The following BMPR1A variants were observed in gnomAD, a reference collection of about 807,000 sequenced individuals.
BMPR1A encodes the protein bone morphogenetic protein receptor type 1A, also known as bone morphogenetic protein receptor type-1A.
BMPR1A carries 7 observed loss-of-function variants against 66.0 expected under a neutral mutation model. The ratio of observed to expected loss-of-function variants is 0.11; its 90% CI spans 0.06 to 0.20. The LOEUF (loss-of-function observed/expected upper bound fraction) is 0.20. Among genes scored for constraint, BMPR1A ranks in the 10% least tolerant of loss-of-function variants. The pLI is 1.00. For missense variants in BMPR1A, 408 were observed against 669.1 expected (o/e 0.61, Z 4.31); for synonymous variants, 200 against 229.7 (o/e 0.87, Z 1.17).
intron 2 of BMPR1A, among the ~76,000 whole-genome samples, chr10:86,864,854 A>G (rs1842761209): frequency 2.6e-5 from 4 of 151,914 alleles, no homozygotes. Context: ...ATCCCACAAT[A>G]TCACCCCTTA....
intron 7 of BMPR1A, among the ~76,000 whole-genome samples, chr10:86,905,281 A>G (rs1214936297): frequency 6.6e-6 from 1 of 152,174 alleles, no homozygotes; most frequent in African/African-American, 2.4e-5. Flanking sequence ...ACCATACGCC[A>G]GTTCCTGGTT....
At chr10:86,765,562 C>G (rs1052603199) in intron 1 of BMPR1A, among the ~76,000 whole-genome samples, 1 of 150,954 alleles carries the variant, frequency 6.6e-6, no homozygotes, top group Non-Finnish European at 1.5e-5. Context: ...TCATAGTTGG[C>G]TCTTTGCTGC....
intron 1 of BMPR1A, among the ~76,000 whole-genome samples, chr10:86,822,257 A>T (rs12241335): frequency 0.025 from 3,844 of 152,268 alleles, 157 homozygotes; most frequent in African/African-American, 0.089. Context: ...AAATGAATTC[A>T]ATTTTCCTTT....
chr10:86,858,659 A>G (rs1161429854), intron 2 of BMPR1A, among the ~76,000 whole-genome samples: 1 of 152,234 alleles, frequency 6.6e-6, no homozygotes, highest in Non-Finnish European at 1.5e-5. Flanking sequence ...ATGAACTAGC[A>G]GAAAAAGAAG....
At chr10:86,918,825 G>A (rs1843614763) in intron 9 of BMPR1A, among the ~76,000 whole-genome samples, 1 of 152,068 alleles carries the variant, frequency 6.6e-6, no homozygotes, top group South Asian at 2.1e-4. Context: ...GTTTCGCCCT[G>A]TTGGCCAGGC....
chr10:86,860,998 C>T (rs1842705504), intron 2 of BMPR1A, among the ~76,000 whole-genome samples: 3 of 151,680 alleles, frequency 2.0e-5, no homozygotes, highest in Admixed American at 1.3e-4. Flanking sequence ...CCCGCCACCA[C>T]GCCCGGCTAA....
At chr10:86,777,865 T>A (rs927767451) in intron 1 of BMPR1A, among the ~76,000 whole-genome samples, 1 of 151,938 alleles carries the variant, frequency 6.6e-6, no homozygotes, top group Non-Finnish European at 1.5e-5. Flanking sequence ...AATACAAAAT[T>A]AGCCAGGCAT....
At chr10:86,855,811 A>C (rs1842632472) in intron 2 of BMPR1A, 1 of 1,101,868 alleles carries the variant, frequency 9.1e-7, no homozygotes, top group African/African-American at 1.6e-5. Context: ...TTCCTGGTAG[A>C]ATGGAGGAAA....
rs780130011 is a variant in BMPR1A at position 86,919,320 on chromosome 10, C to G, written c.1017C>G (p.Ala339=). ...RALLKLAYSA[A]CGLCHLHTEI... The stretch of plus-strand genomic sequence containing the variant: ...TGCTTAAATTGGCTTATTCAGCTGC[C>G]TGTGGTCTGTGCCACCTGCACACAG... The change falls in exon 10 of 13, where the codon GCC becomes GCG. Residue 339 remains alanine, a synonymous_variant. Transcript: ENST00000372037. 5.0e-6 allele frequency: 8 copies of G among 1,613,748 alleles called. No individual in the cohort carries two copies. The Admixed American group carries it at 1.2e-4, about 24-fold the overall frequency.
chr10:86,786,209 C>G (rs892426688), intron 1 of BMPR1A, among the ~76,000 whole-genome samples: 3 of 152,158 alleles, frequency 2.0e-5, no homozygotes, highest in Non-Finnish European at 4.4e-5. Flanking sequence ...TCTGCAGGGT[C>G]ATTCTCCTCC....
At chr10:86,914,354 T>A (rs1843532323) in intron 8 of BMPR1A, among the ~76,000 whole-genome samples, 1 of 152,160 alleles carries the variant, frequency 6.6e-6, no homozygotes, top group Non-Finnish European at 1.5e-5. Flanking sequence ...GGCAGACTTC[T>A]TCAGTACATA....
At chr10:86,887,014 G>C (rs11816657) in intron 3 of BMPR1A, among the ~76,000 whole-genome samples, 1,580 of 151,884 alleles carry the variant, frequency 0.01, 25 homozygotes, top group African/African-American at 0.036. Flanking sequence ...AATATTTTTA[G>C]TAGAGACGGG....
intron 9 of BMPR1A, among the ~76,000 whole-genome samples, chr10:86,918,025 C>G (rs941777665): frequency 1.3e-5 from 2 of 152,110 alleles, no homozygotes; most frequent in African/African-American, 4.8e-5. Flanking sequence ...AGAGGAGGAG[C>G]CTTCCTTGCC....
At chr10:86,870,837 T>C (rs1372237815) in intron 2 of BMPR1A, among the ~76,000 whole-genome samples, 1 of 152,064 alleles carries the variant, frequency 6.6e-6, no homozygotes, top group Non-Finnish European at 1.5e-5. Flanking sequence ...TTAACCACCA[T>C]TGTCATTCTC....
chr10:86,913,289 A>ATTTTTTT, intron 8 of BMPR1A, among the ~76,000 whole-genome samples: 1 of 119,076 alleles, frequency 8.4e-6, no homozygotes, highest in Non-Finnish European at 1.7e-5. Flanking sequence ...CACCAGGCTA[A>ATTTTTTT]TTTTTTTTTT....
intron 2 of BMPR1A, among the ~76,000 whole-genome samples, chr10:86,842,096 A>AG (rs1200258243): frequency 6.6e-6 from 1 of 152,188 alleles, no homozygotes; most frequent in Non-Finnish European, 1.5e-5. Flanking sequence ...TCAGAAGCAC[A>AG]GGTAAAATAA....
At chr10:86,873,204 C>T (rs1842874725) in intron 2 of BMPR1A, among the ~76,000 whole-genome samples, 5 of 152,130 alleles carry the variant, frequency 3.3e-5, no homozygotes, top group Admixed American at 2.6e-4. Flanking sequence ...CGGTCAGTCT[C>T]CTGCCCAAGA....
At chr10:86,818,099 A>G (rs1328465012) in intron 1 of BMPR1A, among the ~76,000 whole-genome samples, 1 of 152,124 alleles carries the variant, frequency 6.6e-6, no homozygotes, top group African/African-American at 2.4e-5. Flanking sequence ...GCTCACTGCA[A>G]CCTCTGCTTC....
chr10:86,784,799 C>T (rs2132730003), intron 1 of BMPR1A, among the ~76,000 whole-genome samples: 1 of 152,170 alleles, frequency 6.6e-6, no homozygotes, highest in East Asian at 1.9e-4. Context: ...GGCATGTGAT[C>T]GTTCATAGTA....
Sources: gnomAD v4.1 joint callset for allele counts (sites outside exome capture counted in the v4.1 genomes callset) on GRCh38, gnomAD v4.1.1 for gene constraint, MANE v1.5 for transcripts, NCBI Gene and HGNC (gene_info 2026-07-23, HGNC 2026-07-21) for gene names.